GABRB3: variants seen among roughly 807,000 people sequenced by gnomAD.
GABRB3 encodes the protein gamma-aminobutyric acid receptor subunit beta-3.
A neutral mutation model predicts 52.1 loss-of-function variants in GABRB3; 14 were observed. The observed-to-expected ratio is 0.27, with a 90% CI of 0.18 to 0.42. The LOEUF (loss-of-function observed/expected upper bound fraction) is 0.42. GABRB3 is among the 10% of genes least tolerant of loss of function. The pLI is 1.00. For synonymous variants in GABRB3, 260 were observed against 232.3 expected (o/e 1.12, Z -1.08); for missense variants, 307 against 609.1 (o/e 0.50, Z 5.22).
At chr15:26,711,382 G>A (rs551380974) in intron 3 of GABRB3, among the ~76,000 whole-genome samples, 31 of 152,208 alleles carry the variant, frequency 2.0e-4, no homozygotes, top group Admixed American at 7.2e-4. Flanking sequence ...CTGGCCCTCC[G>A]ACCCCCTTGG....
chr15:26,565,050 C>T (rs569256173), intron 7 of GABRB3, among the ~76,000 whole-genome samples: 2 of 152,340 alleles, frequency 1.3e-5, no homozygotes, highest in Non-Finnish European at 2.9e-5. Flanking sequence ...AGCAATAATA[C>T]TTCGTACTGT....
At chr15:26,552,127 C>T (rs767048617) in intron 8 of GABRB3, among the ~76,000 whole-genome samples, 10 of 152,128 alleles carry the variant, frequency 6.6e-5, no homozygotes, top group Non-Finnish European at 1.5e-4. Context: ...CTTGCCTCAG[C>T]CTCCCAAGTA....
At chr15:26,659,317 G>A (rs1350898729) in intron 3 of GABRB3, among the ~76,000 whole-genome samples, 2 of 152,170 alleles carry the variant, frequency 1.3e-5, no homozygotes, top group East Asian at 3.8e-4. Context: ...GAGGTCAGGA[G>A]TTCAAGAACA....
rs1490020194 is a variant in GABRB3 at position 26,760,807 on chromosome 15, ACG to A, written c.240+11593_240+11594del. Among the ~76,000 whole-genome samples the A allele has an allele frequency of 4.2e-5, 4 of 95,342 alleles. No homozygotes were observed. In the Admixed American group the frequency reaches 5.4e-4, roughly 13 times the overall value. The allele number at this position is 95,342 out of a possible 152,430, so 62.5% of individuals were successfully genotyped here. Reference sequence around the variant, plus strand: ...TAAATGCCAACACACACACACGCGCACGCACACACACACACACACAAGCAAAC... The same window carrying A: ...TAAATGCCAACACACACACACGCGCACACACACACACACACACAAGCAAAC... On this transcript the variant is annotated intron_variant, in intron 3 of 8. Transcript: ENST00000311550.
intron 4 of GABRB3, among the ~76,000 whole-genome samples, chr15:26,606,788 C>CGATAGATAGATAGATAGATAGA (rs369220407): frequency 3.5e-5 from 4 of 115,212 alleles, no homozygotes; most frequent in African/African-American, 1.1e-4. Flanking sequence ...ATAGATATAT[C>CGATAGATAGATAGATAGATAGA]TATAGATAGA....
At chr15:26,677,471 C>T (rs1888105790) in intron 3 of GABRB3, among the ~76,000 whole-genome samples, 1 of 152,112 alleles carries the variant, frequency 6.6e-6, no homozygotes, top group South Asian at 2.1e-4. Flanking sequence ...GCTCTGGCCT[C>T]CTCTTGGCCA....
At chr15:26,669,776 T>A (rs953641549) in intron 3 of GABRB3, among the ~76,000 whole-genome samples, 1 of 152,208 alleles carries the variant, frequency 6.6e-6, no homozygotes, top group Non-Finnish European at 1.5e-5. Context: ...TTTCCTTCCA[T>A]CTTCTACAAC....
chr15:26,611,853 A>C (rs968531158), intron 4 of GABRB3: 4 of 152,232 alleles, frequency 2.6e-5, no homozygotes, highest in African/African-American at 9.6e-5. Context: ...TTGTAATGAA[A>C]CACATTGGCA....
chr15:26,558,958 C>T (rs1423426528), intron 8 of GABRB3, among the ~76,000 whole-genome samples: 1 of 152,194 alleles, frequency 6.6e-6, no homozygotes, highest in East Asian at 1.9e-4. Flanking sequence ...CACCTCTTGG[C>T]TTCTGGGGAA....
chr15:26,772,929 T>C lies in GABRB3; in HGVS notation c.34A>G (p.Ile12Val), dbSNP rs1451852360. The C allele has an allele frequency of 2.0e-6, 3 of 1,491,046 alleles. No individual in the cohort carries two copies. Among genetic ancestry groups the C allele is most frequent in the Non-Finnish European group, 2.7e-6 (3 of 1,118,864 alleles). 92.4% of individuals were successfully genotyped at this position (1,491,046 alleles called of 1,614,324 possible). A position where few individuals can be genotyped will look rare whatever the true frequency, so the allele number is the denominator to read the frequency against. The part of the protein sequence containing the change: ...WGLAGGRLFG[I>V]FSAPVLVAVV... ...GCCACCAGCACCGGGGCCGAGAAGATGCCGAAAAGCCTTCCTCCCGCAAGG... is the reference window on the plus strand; with the variant it reads ...GCCACCAGCACCGGGGCCGAGAAGACGCCGAAAAGCCTTCCTCCCGCAAGG... Residue 12 changes from isoleucine (I) to valine (V), a missense_variant, in exon 1 of 9, where the codon ATC becomes GTC. By Grantham distance (29) the Ile-to-Val change is conservative (BLOSUM62 3). Transcript: ENST00000311550.
Position 26,606,821 on chromosome 15 carries a change from G to GATAGATATATCT in GABRB3, c.461+14492_461+14493insAGATATATCTAT, listed in dbSNP as rs1566770856. On this transcript the variant is annotated intron_variant, in intron 4 of 8. Coordinates refer to ENST00000311550, the MANE Select transcript of GABRB3 (RefSeq NM_000814.6). ...AGATATATCTATAGATAGATAGATA[G>GATAGATATATCT]ATAGATAGATAGATAGATAGATATG... Among the ~76,000 whole-genome samples, 31 of 42,362 alleles carry GATAGATATATCT rather than the reference G, an allele frequency of 7.3e-4. 1 individual carries two copies. In the East Asian group the frequency reaches 0.074, roughly 100 times the overall value. 27.8% of individuals were successfully genotyped at this position (42,362 alleles called of 152,430 possible).
rs1327569813 is a variant in GABRB3, at chr15:26,772,864, G to T, written c.80+19C>A. 6.9e-7 allele frequency: 1 copy of T among 1,451,568 alleles called. No homozygotes were observed. The highest frequency in any genetic ancestry group is 9.1e-7 in the Non-Finnish European group (1 of 1,098,080). The allele number at this position is 1,451,568 out of a possible 1,614,324, so 89.9% of individuals were successfully genotyped here. A position where few individuals can be genotyped will look rare whatever the true frequency, so the allele number is the denominator to read the frequency against. On this transcript the variant is annotated intron_variant, in intron 1 of 8. Coordinates refer to ENST00000311550, the MANE Select transcript of GABRB3 (RefSeq NM_000814.6). Reference sequence around the variant, plus strand: ...CCCCGCGCCCTGCCCGCCGCCCGCCGGCCCACCCGCGACCCTACCTCTGGG... The same window carrying T: ...CCCCGCGCCCTGCCCGCCGCCCGCCTGCCCACCCGCGACCCTACCTCTGGG...
intron 4 of GABRB3, among the ~76,000 whole-genome samples, chr15:26,588,804 A>C (rs1343802483): frequency 1.3e-5 from 2 of 152,360 alleles, no homozygotes; most frequent in Non-Finnish European, 2.9e-5. Context: ...TCCTACAGTA[A>C]TTATAGTGAC....
At chr15:26,623,350 CATGA>C (rs1892561025) in intron 3 of GABRB3, among the ~76,000 whole-genome samples, 1 of 152,188 alleles carries the variant, frequency 6.6e-6, no homozygotes, top group South Asian at 2.1e-4. Flanking sequence ...AGCAGAGAGC[CATGA>C]CCAGGAGTAT....
At chr15:26,592,590 C>T (rs1333004440) in intron 4 of GABRB3, among the ~76,000 whole-genome samples, 1 of 152,126 alleles carries the variant, frequency 6.6e-6, no homozygotes, top group Non-Finnish European at 1.5e-5. Flanking sequence ...GAAGCTGCAA[C>T]ACTGAGAGAT....
chr15:26,727,939 T>C (rs8043440), intron 3 of GABRB3, among the ~76,000 whole-genome samples: 27,395 of 152,158 alleles, frequency 0.18, 2,967 homozygotes, highest in East Asian at 0.31. Flanking sequence ...TCAGAAATTC[T>C]ATCACGTACC....
intron 4 of GABRB3, among the ~76,000 whole-genome samples, chr15:26,585,204 T>A (rs916980719): frequency 6.6e-6 from 1 of 152,192 alleles, no homozygotes; most frequent in Non-Finnish European, 1.5e-5. Context: ...CAGTCCTGGC[T>A]ATGCCCATTC....
At chr15:26,748,956 G>A (rs1365989061) in intron 3 of GABRB3, among the ~76,000 whole-genome samples, 2 of 152,048 alleles carry the variant, frequency 1.3e-5, no homozygotes, top group African/African-American at 2.4e-5. Flanking sequence ...AACCCAAATG[G>A]TGGAGGGTGA....
chr15:26,642,179 C>T (rs1457732160), intron 3 of GABRB3, among the ~76,000 whole-genome samples: 1 of 152,196 alleles, frequency 6.6e-6, no homozygotes, highest in Non-Finnish European at 1.5e-5. Context: ...AGGCATAAGC[C>T]ACCAAGCCTT....
Sources: allele counts gnomAD v4.1 joint callset (sites outside exome capture counted in the v4.1 genomes callset), GRCh38; gene constraint gnomAD v4.1.1; transcripts MANE v1.5; gene names NCBI Gene and HGNC (gene_info 2026-07-23, HGNC 2026-07-21).